The following CLCN7 variants were observed in gnomAD, a reference collection of about 807,000 sequenced individuals.
CLCN7 encodes H(+)/Cl(-) exchange transporter 7.
A neutral mutation model predicts 102.1 loss-of-function variants in CLCN7; 60 were observed. That is an observed-to-expected ratio of 0.59 (90% CI 0.48 to 0.73). The LOEUF (loss-of-function observed/expected upper bound fraction) is 0.73, where lower values mean the gene tolerates loss of function less well. Ranked by LOEUF, CLCN7 falls within the 30% of genes least tolerant of loss-of-function variation. The pLI is 0.00. For missense variants in CLCN7, 962 were observed against 1,125.7 expected, an observed-to-expected ratio of 0.85 and a Z score of 2.08; for synonymous variants, 560 against 490.5, an observed-to-expected ratio of 1.14 and a Z score of -1.87.
At chr16:1,449,684 A>G in intron 17 of CLCN7, 1 of 338,958 alleles carries the variant, frequency 3.0e-6, no homozygotes, top group Non-Finnish European at 5.5e-6. Context: ...GCTGGGCCAC[A>G]GAACCCAGGC....
chr16:1,456,492 C>T (rs180945804), intron 9 of CLCN7, among the ~76,000 whole-genome samples: 22 of 152,344 alleles, frequency 1.4e-4, no homozygotes, highest in African/African-American at 5.1e-4. Context: ...GAAAAGCGCA[C>T]GGATGGAAAC....
At position 1,455,003 on chromosome 16, in the gene CLCN7, C is replaced by T. The variant is rs75233497; in HGVS notation, c.1098+131G>A. The T allele has an allele frequency of 1.8e-3, 1,318 of 715,640 alleles. 15 individuals carry two copies. The African/African-American group carries it at 0.021, about 11-fold the overall frequency. The allele number at this position is 715,640 out of a possible 1,614,324, so 44.3% of individuals were successfully genotyped here. A position where few individuals can be genotyped will look rare whatever the true frequency, so the allele number is the denominator to read the frequency against. The stretch of plus-strand genomic sequence containing the variant: ...CAGCCCCTCGGGGCCCTGGAGCTTA[C>T]ACAAGAGCTCTCAGCTCCACAGCTA... On this transcript the variant is annotated intron_variant, in intron 12 of 24. Coordinates refer to ENST00000382745, the MANE Select transcript of CLCN7 (RefSeq NM_001287.6).
intron 15 of CLCN7, chr16:1,452,306 G>A (rs538147992): frequency 5.4e-4 from 132 of 243,512 alleles, no homozygotes; most frequent in Admixed American, 1.1e-3. Context: ...ATGGGGCTAC[G>A]TCGCGTGACC....
rs886660784 is a variant in CLCN7, at chr16:1,446,562, T to C, written c.*69A>G. ...AGCATGGTTTGGGCCGAGAAACCAG[T>C]GACTCCGGGAGGAAATGCAGAAGGG... On this transcript the variant is annotated 3_prime_UTR_variant, in exon 25 of 25. Coordinates refer to ENST00000382745, the MANE Select transcript of CLCN7 (RefSeq NM_001287.6). 3.6e-6 allele frequency: 5 copies of C among 1,376,800 alleles called. No homozygotes were observed. Among genetic ancestry groups the C allele is most frequent in the Non-Finnish European group, 5.1e-6 (5 of 989,568 alleles). The allele number at this position is 1,376,800 out of a possible 1,614,324, so 85.3% of individuals were successfully genotyped here.
At chr16:1,449,215 G>T in intron 18 of CLCN7, 61 bp downstream of exon 18, 1 of 1,569,088 alleles carries the variant, frequency 6.4e-7, no homozygotes, top group Non-Finnish European at 8.6e-7. Context: ...CGCAAGGACA[G>T]CCATGGCCCC....
At chr16:1,448,224 C>A in intron 21 of CLCN7, 131 bp downstream of exon 21, 1 of 1,249,234 alleles carries the variant, frequency 8.0e-7, no homozygotes, top group South Asian at 1.3e-5. Context: ...ACTCAGCTTC[C>A]GGCACTCCTG....
intron 10 of CLCN7, 143 bp from the exon 11 acceptor site, chr16:1,455,938 C>A: frequency 9.4e-7 from 1 of 1,062,958 alleles, no homozygotes; most frequent in Non-Finnish European, 1.4e-6. Flanking sequence ...AGAGAGGGAC[C>A]CTGAGGGAGG....
At position 1,459,420 on chromosome 16, in the gene CLCN7, T is replaced by G. The variant is rs75317174; in HGVS notation, c.595-233A>C. 2.6e-3 allele frequency: 584 copies of G among 220,526 alleles called. 17 individuals carry two copies. Among genetic ancestry groups the G allele is most frequent in the South Asian group, 4.9e-3 (105 of 21,302 alleles). The allele number at this position is 220,526 out of a possible 1,614,324, so 13.7% of individuals were successfully genotyped here. On this transcript the variant is annotated intron_variant, in intron 6 of 24. Coordinates refer to ENST00000382745, the MANE Select transcript of CLCN7 (RefSeq NM_001287.6). ...CGTCGGGGCCCCAGGGAAGGGGAGC[T>G]CAGCACACACGTCGGGGCATCAGGG... is the stretch of plus-strand genomic sequence containing the variant.
Position 1,468,642 on chromosome 16 carries a change from C to T in CLCN7, c.142-3304G>A, listed in dbSNP as rs8053303. ...TCAGGAACACGTGAGCCAACACTCC[C>T]GAGAGGCGAGACTCGGGCCGGACGG... On this transcript the variant is annotated intron_variant, in intron 1 of 24. Transcript: ENST00000382745. Among the ~76,000 whole-genome samples, 283 of 152,194 alleles carry T rather than the reference C, an allele frequency of 1.9e-3. 1 individual carries two copies. The highest frequency in any genetic ancestry group is 6.2e-3 in the African/African-American group (258 of 41,526).
chr16:1,447,255 C>T, intron 23 of CLCN7, 137 bp downstream of exon 23: 1 of 1,178,862 alleles, frequency 8.5e-7, no homozygotes, highest in African/African-American at 1.5e-5. Context: ...TAAAGCCTGC[C>T]AGGCCCTTCA....
In CLCN7 at chr16:1,446,275, C is replaced by T. The variant is rs953985444; in HGVS notation, c.*356G>A. The stretch of plus-strand genomic sequence containing the variant: ...CAGCAGGGGCAAGGGCTCTGTCTCA[C>T]GCACACGGGCACAGGCACGCAGGTG... On this transcript the variant is annotated 3_prime_UTR_variant, in exon 25 of 25. Coordinates refer to ENST00000382745, the MANE Select transcript of CLCN7 (RefSeq NM_001287.6). 36 of 693,358 alleles carry T rather than the reference C, an allele frequency of 5.2e-5. No individual in the cohort carries two copies. The highest frequency in any genetic ancestry group is 1.2e-4 in the Admixed American group (6 of 49,396). 43.0% of individuals were successfully genotyped at this position (693,358 alleles called of 1,614,324 possible). A position where few individuals can be genotyped will look rare whatever the true frequency, so the allele number is the denominator to read the frequency against.
chr16:1,458,853 C>T (rs1384772940), intron 7 of CLCN7, among the ~76,000 whole-genome samples: 3 of 152,260 alleles, frequency 2.0e-5, no homozygotes, highest in African/African-American at 7.2e-5. Flanking sequence ...ACAGCTGTGT[C>T]ACACATGCAC....
chr16:1,456,263 A>T lies in CLCN7; in HGVS notation c.823-57T>A. The T allele has an allele frequency of 2.3e-6, 3 of 1,293,040 alleles. No individual in the cohort carries two copies. The South Asian group carries it at 3.8e-5, about 16-fold the overall frequency. The allele number at this position is 1,293,040 out of a possible 1,614,324, so 80.1% of individuals were successfully genotyped here. On this transcript the variant is annotated intron_variant, in intron 9 of 24. Transcript: ENST00000382745. ...GTTCCTTGAGGGCACGGCTCTCAGA[A>T]AGGGAGAGCAACTGCCAGGACAGGG...
intron 14 of CLCN7, 113 bp downstream of exon 14, chr16:1,453,721 G>A (rs550359503): frequency 3.0e-6 from 3 of 1,009,500 alleles, no homozygotes; most frequent in African/African-American, 1.6e-5. Context: ...TGCATACACA[G>A]CCTTTCTTTC....
intron 7 of CLCN7, among the ~76,000 whole-genome samples, chr16:1,458,886 T>C (rs911749273): frequency 1.3e-5 from 2 of 152,218 alleles, no homozygotes; most frequent in Non-Finnish European, 1.5e-5. Context: ...TCTGTATGAC[T>C]ACTCATTTCT....
rs374764558 is a variant in CLCN7, at chr16:1,460,420, C to T, written c.592G>A (p.Glu198Lys). Reference sequence around the variant, plus strand: ...AGCTGCGGCATCCTGCCACCCACCTCTATGAAAGCCACAATCACAGAGCCC... The same window carrying T: ...AGCTGCGGCATCCTGCCACCCACCTTTATGAAAGCCACAATCACAGAGCCC... ...LVGSVIVAFIEPVAAGSGIPQ... is the reference protein window; with the variant it reads ...LVGSVIVAFIKPVAAGSGIPQ... Residue 198 changes from glutamate (E) to lysine (K), a missense_variant and splice_region_variant, in exon 6 of 25, where the codon GAG becomes AAG. Glu to Lys is a moderately conservative substitution (Grantham distance 56, BLOSUM62 1). This residue lies in a region of CLCN7 where 799 missense variants were observed against 988.0 expected (regional missense o/e 0.81). Coordinates refer to ENST00000382745, the MANE Select transcript of CLCN7 (RefSeq NM_001287.6). 1.2e-6 allele frequency: 2 copies of T among 1,612,060 alleles called. No individual in the cohort carries two copies. The highest frequency in any genetic ancestry group is 2.7e-5 in the African/African-American group (2 of 74,914).
In CLCN7 at chr16:1,457,481, GC is replaced by G; in HGVS notation, c.739-145del. On this transcript the variant is annotated intron_variant, in intron 8 of 24. Coordinates refer to ENST00000382745, the MANE Select transcript of CLCN7 (RefSeq NM_001287.6). This position sits in a 1 kb window ranked among gnomAD's most constrained non-coding sequence, Gnocchi z 5.4. ...GATGCTCAGAGACACGCGTGACGCG[GC>G]CCTTCCTGGAGACCAGAAGGACCGG... is the stretch of plus-strand genomic sequence containing the variant. The G allele has an allele frequency of 1.7e-6, 1 of 580,906 alleles. No individual in the cohort carries two copies. 36.0% of individuals were successfully genotyped at this position (580,906 alleles called of 1,614,324 possible).
In CLCN7 at chr16:1,465,304, A is replaced by T; in HGVS notation, c.176T>A (p.Met59Lys). The T allele has an allele frequency of 6.2e-7, 1 of 1,613,948 alleles. No individual in the cohort carries two copies. The highest frequency in any genetic ancestry group is 8.5e-7 in the Non-Finnish European group (1 of 1,180,000). The change falls in exon 2 of 25, where the codon ATG becomes AAG. Residue 59 changes from methionine (M) to lysine (K), a missense_variant. By Grantham distance (95) the Met-to-Lys change is moderately conservative. Transcript: ENST00000382745. The part of the protein sequence containing the change: ...PRSALFRVGH[M>K]SSVELDDELL... ...TTCATCATCCAGCTCCACGCTGCTC[A>T]TATGTCCGACTCGGAAAAGCGCAGA...
At position 1,461,617 on chromosome 16, in the gene CLCN7, A is replaced by T. The variant is rs2038938527; in HGVS notation, c.271T>A (p.Ser91Thr). 1 of 1,614,146 alleles carries T rather than the reference A, an allele frequency of 6.2e-7. No homozygotes were observed. Among genetic ancestry groups the T allele is most frequent in the Non-Finnish European group, 8.5e-7 (1 of 1,180,016 alleles). The change falls in exon 3 of 25, where the codon TCC becomes ACC. Residue 91 changes from serine to threonine, a missense_variant. Physicochemically the swap from Ser to Thr is moderately conservative, Grantham distance 58 (BLOSUM62 1). This residue lies in a region of CLCN7 where 163 missense variants were observed against 137.7 expected (regional missense o/e 1.18). Coordinates refer to ENST00000382745, the MANE Select transcript of CLCN7 (RefSeq NM_001287.6). ...AGGACGCCCACCTCATACTTGAGGG[A>T]CAGGAGCTTCTCGTTGTGTGGGATC... is the stretch of plus-strand genomic sequence containing the variant. The part of the protein sequence containing the change: ...KEIPHNEKLL[S>T]LKYESLDYDN...
Sources: gnomAD v4.1 joint callset for allele counts (sites outside exome capture counted in the v4.1 genomes callset) on GRCh38, gnomAD v4.1.1 for gene constraint, gnomAD v4.1.1 regional missense constraint, Gnocchi (gnomAD v3.1) non-coding constraint, MANE v1.5 for transcripts, NCBI Gene and HGNC (gene_info 2026-07-23, HGNC 2026-07-21) for gene names.